Variants in LRGUK observed in about 807,000 individuals in gnomAD.
LRGUK encodes the protein leucine-rich repeat and guanylate kinase domain-containing protein.
A neutral mutation model predicts 76.0 loss-of-function variants in LRGUK; 65 were observed. The ratio of observed to expected loss-of-function variants is 0.85; its 90% CI spans 0.70 to 1.05. The LOEUF is 1.05. Among genes scored for constraint, LRGUK ranks in the 50% least tolerant of loss-of-function variants. The probability of loss-of-function intolerance (pLI) is 0.00; values close to 1 mark genes in which losing one functional copy is unlikely to be tolerated. For missense variants in LRGUK, 758 were observed against 732.8 expected, an observed-to-expected ratio of 1.03 and a Z score of -0.40; for synonymous variants, 268 against 265.6, an observed-to-expected ratio of 1.01 and a Z score of -0.09.
chr7:134,186,131 A>G (rs191964537), intron 11 of LRGUK, among the ~76,000 whole-genome samples: 451 of 152,338 alleles, frequency 3.0e-3, no homozygotes, highest in African/African-American at 0.01. Flanking sequence ...CATCTCTGAT[A>G]CCAGTTATGT....
downstream of LRGUK, among the ~76,000 whole-genome samples, chr7:134,266,018 C>T (rs544338585): frequency 1.3e-5 from 2 of 152,224 alleles, no homozygotes; most frequent in South Asian, 2.1e-4. Context: ...TACCCCAAAG[C>T]GTTAATGAGG....
exon 16 of LRGUK, chr7:134,221,814 C>T (rs953665896): frequency 2.5e-6 from 4 of 1,583,970 alleles, no homozygotes; most frequent in Non-Finnish European, 3.4e-6. Flanking sequence ...TGAAGCGCAT[C>T]CTACAAAGTA....
intron 3 of LRGUK, among the ~76,000 whole-genome samples, chr7:134,141,209 A>G (rs1346306963): frequency 6.7e-6 from 1 of 149,246 alleles, no homozygotes; most frequent in Non-Finnish European, 1.5e-5. Context: ...AAAGTACCGC[A>G]TATGTTTCTT....
intron 15 of LRGUK, among the ~76,000 whole-genome samples, chr7:134,208,153 C>T (rs899301895): frequency 1.3e-5 from 2 of 152,234 alleles, no homozygotes; most frequent in South Asian, 2.1e-4. Flanking sequence ...TCTGTCCGGC[C>T]GATTCTTTCC....
intron 16 of LRGUK, among the ~76,000 whole-genome samples, chr7:134,241,391 C>A (rs1802148027): frequency 1.3e-5 from 2 of 151,942 alleles, no homozygotes; most frequent in African/African-American, 2.4e-5. Context: ...GAAAAAAAAG[C>A]AGGGGTTGCA....
At chr7:134,274,357 C>CT in the LRGUK span, among the ~76,000 whole-genome samples, 2 of 152,022 alleles carry the variant, frequency 1.3e-5, no homozygotes, top group African/African-American at 4.8e-5. Context: ...AAAAGTATGG[C>CT]TTATATAGTT....
chr7:134,155,066 G>C (rs998303), intron 5 of LRGUK, among the ~76,000 whole-genome samples: 19,712 of 152,090 alleles, frequency 0.13, 1,620 homozygotes, highest in East Asian at 0.33. Flanking sequence ...TTGGGGTAGA[G>C]CTACCAGGAC....
intron 5 of LRGUK, among the ~76,000 whole-genome samples, chr7:134,149,044 T>A (rs1798094679): frequency 6.6e-6 from 1 of 151,788 alleles, no homozygotes; most frequent in Non-Finnish European, 1.5e-5. Flanking sequence ...TGCAAAAGAG[T>A]TCATGATAAG....
chr7:134,205,444 A>G lies in LRGUK; in HGVS notation c.1844-3263A>G, dbSNP rs1045579268. On this transcript the variant is annotated intron_variant, in intron 15 of 15. Coordinates refer to ENST00000645682, the Ensembl canonical transcript of LRGUK. Reference sequence around the variant, plus strand: ...ATGTGCCCAGCTGGTGCTTCACCTCATTGCTCCTGCTCTGAGCTGGGTCAC... The same window carrying G: ...ATGTGCCCAGCTGGTGCTTCACCTCGTTGCTCCTGCTCTGAGCTGGGTCAC... 2.6e-5 allele frequency among the ~76,000 whole-genome samples: 4 copies of G among 152,088 alleles called. No homozygotes were observed. The East Asian group carries it at 7.7e-4, about 29-fold the overall frequency.
intron 7 of LRGUK, 81 bp from the exon 8 acceptor site, chr7:134,174,475 C>A (rs1799398390): frequency 1.2e-6 from 1 of 841,170 alleles, no homozygotes; most frequent in Non-Finnish European, 2.0e-6. Flanking sequence ...TTAAAGGACC[C>A]AAACTGGCTT....
chr7:134,230,264 C>T (rs1398137734), intron 16 of LRGUK, among the ~76,000 whole-genome samples: 1 of 152,074 alleles, frequency 6.6e-6, no homozygotes, highest in Non-Finnish European at 1.5e-5. Flanking sequence ...AGATACCCAG[C>T]CTTATTATTA....
chr7:134,247,440 C>T lies in LRGUK; in HGVS notation c.1984-116C>T. The T allele has an allele frequency of 1.4e-5, 9 of 635,720 alleles. No individual in the cohort carries two copies. In the South Asian group the frequency reaches 2.5e-4, roughly 18 times the overall value. 39.4% of individuals were successfully genotyped at this position (635,720 alleles called of 1,614,324 possible). A position where few individuals can be genotyped will look rare whatever the true frequency, so the allele number is the denominator to read the frequency against. Reference sequence around the variant, plus strand: ...TCAATTGTTTTTTATGCCTTTTCCCCCTTTTTCTTCCCACATATTTGTCAA... The same window carrying T: ...TCAATTGTTTTTTATGCCTTTTCCCTCTTTTTCTTCCCACATATTTGTCAA... On this transcript the variant is annotated intron_variant, in intron 16 of 19. Transcript: ENST00000285928.
chr7:134,167,205 A>G (rs1465426429), intron 7 of LRGUK, among the ~76,000 whole-genome samples: 1 of 152,218 alleles, frequency 6.6e-6, no homozygotes, highest in African/African-American at 2.4e-5. Context: ...TGCCCAAGGC[A>G]GGATACCCTG....
chr7:134,194,821 G>A (rs115279693), intron 12 of LRGUK, among the ~76,000 whole-genome samples: 3,819 of 152,230 alleles, frequency 0.025, 113 homozygotes, highest in African/African-American at 0.071. Flanking sequence ...AGTGTGAGCC[G>A]GGCAGCCAGG....
At chr7:134,240,582 G>T (rs1260678794) in intron 16 of LRGUK, among the ~76,000 whole-genome samples, 1 of 152,232 alleles carries the variant, frequency 6.6e-6, no homozygotes, top group East Asian at 1.9e-4. Flanking sequence ...TCTGACTGGT[G>T]TACCTGAAAG....
At chr7:134,183,713 G>T in intron 10 of LRGUK, 21 bp from the exon 11 acceptor site, 1 of 1,613,136 alleles carries the variant, frequency 6.2e-7, no homozygotes, top group South Asian at 1.1e-5. Flanking sequence ...TAGGAGAACT[G>T]ACTCTGGTCC....
chr7:134,157,764 G>A (rs965632023), intron 5 of LRGUK, among the ~76,000 whole-genome samples: 98 of 152,148 alleles, frequency 6.4e-4, no homozygotes, highest in African/African-American at 2.2e-3. Context: ...ACCTCATGAT[G>A]TGCCCACCTC....
the LRGUK span, among the ~76,000 whole-genome samples, chr7:134,271,324 A>G: frequency 6.6e-6 from 1 of 151,774 alleles, no homozygotes; most frequent in Non-Finnish European, 1.5e-5. Context: ...AACTTTGTCA[A>G]TCTTTTTCTT....
At chr7:134,256,495 T>C (rs1221842060) in intron 18 of LRGUK, among the ~76,000 whole-genome samples, 2 of 151,352 alleles carry the variant, frequency 1.3e-5, no homozygotes, top group African/African-American at 4.9e-5. Flanking sequence ...ACTCCTTGTC[T>C]TTTTCCGGTT....
Sources: gnomAD v4.1 joint callset for allele counts (sites outside exome capture counted in the v4.1 genomes callset) on GRCh38, gnomAD v4.1.1 for gene constraint, MANE v1.5 for transcripts, NCBI Gene and HGNC (gene_info 2026-07-23, HGNC 2026-07-21) for gene names.